The following CDK5RAP2 variants were observed in gnomAD, a reference collection of about 807,000 sequenced individuals.
CDK5RAP2 encodes the protein CDK5 regulatory subunit-associated protein 2.
CDK5RAP2 carries 147 observed loss-of-function variants against 232.9 expected under a neutral mutation model. The observed-to-expected ratio is 0.63, with a 90% CI of 0.55 to 0.72. The LOEUF (loss-of-function observed/expected upper bound fraction) is 0.72, where lower values mean the gene tolerates loss of function less well. Ranked by LOEUF, CDK5RAP2 falls within the 30% of genes least tolerant of loss-of-function variation. The pLI is 0.00. For missense variants in CDK5RAP2, 2,195 were observed against 2,231.5 expected, an observed-to-expected ratio of 0.98 and a Z score of 0.33; for synonymous variants, 833 against 833.7, an observed-to-expected ratio of 1.00 and a Z score of 0.01.
In CDK5RAP2 at chr9:120,518,488, C is replaced by T. The variant is rs377289635; in HGVS notation, c.1250G>A (p.Arg417Lys). Reference protein sequence around the residue: ...ELSDLQQERERLEKDLEEAHR... With the variant: ...ELSDLQQEREKLEKDLEEAHR... ...GGCTTCCTCCAGGTCCTTCTCCAGT[C>T]TCTCCCTCTCCTGCTGCAAGTCACT... The change falls in exon 12 of 38, where the codon AGA becomes AAA. Residue 417 changes from arginine (R) to lysine (K), a missense_variant. Transcript: ENST00000349780. 1 of 1,613,768 alleles carries T rather than the reference C, an allele frequency of 6.2e-7. No homozygotes were observed. The highest frequency in any genetic ancestry group is 8.5e-7 in the Non-Finnish European group (1 of 1,179,962).
chr9:120,520,169 A>T (rs4837776), intron 11 of CDK5RAP2, among the ~76,000 whole-genome samples: 148,265 of 152,342 alleles, frequency 0.97, 72,253 homozygotes, highest in East Asian at 1. Context: ...TTCTACTAAA[A>T]ATAGCATATA....
At chr9:120,393,887 C>A (rs1034274368) in intron 36 of CDK5RAP2, among the ~76,000 whole-genome samples, 3 of 152,196 alleles carry the variant, frequency 2.0e-5, no homozygotes, top group East Asian at 1.9e-4. Context: ...CAGCCTCCCC[C>A]TCACTGGTGG....
At chr9:120,475,103 A>G (rs1309983348) in intron 15 of CDK5RAP2, among the ~76,000 whole-genome samples, 4 of 152,226 alleles carry the variant, frequency 2.6e-5, no homozygotes, top group Non-Finnish European at 2.9e-5. Flanking sequence ...GTTTCAACAC[A>G]ACCCTGTAAA....
At chr9:120,521,958 T>C (rs941115544) in intron 11 of CDK5RAP2, among the ~76,000 whole-genome samples, 9 of 152,178 alleles carry the variant, frequency 5.9e-5, no homozygotes, top group African/African-American at 2.2e-4. Flanking sequence ...ACCTTTTTCT[T>C]TGTAAATTCC....
At chr9:120,454,211 T>C (rs777478267) in intron 20 of CDK5RAP2, among the ~76,000 whole-genome samples, 4 of 152,162 alleles carry the variant, frequency 2.6e-5, no homozygotes, top group Admixed American at 6.5e-5. Context: ...ACCATGACAA[T>C]TACAGGGTCC....
intron 21 of CDK5RAP2, among the ~76,000 whole-genome samples, chr9:120,450,065 GA>G (rs2131385135): frequency 6.6e-6 from 1 of 152,224 alleles, no homozygotes; most frequent in East Asian, 1.9e-4. Context: ...ATTTGTACAT[GA>G]ATAGCAACAT....
chr9:120,455,550 G>A (rs2036721869), intron 20 of CDK5RAP2, among the ~76,000 whole-genome samples: 1 of 151,912 alleles, frequency 6.6e-6, no homozygotes, highest in African/African-American at 2.4e-5. Flanking sequence ...AGACCAGACT[G>A]GGCAACATGG....
intron 18 of CDK5RAP2, among the ~76,000 whole-genome samples, chr9:120,467,085 G>A (rs1175503329): frequency 6.6e-6 from 1 of 152,098 alleles, no homozygotes; most frequent in African/African-American, 2.4e-5. Context: ...ACAACTTCAG[G>A]GTCCTCCCAT....
At chr9:120,433,334 C>A (rs2131450362) in intron 25 of CDK5RAP2, among the ~76,000 whole-genome samples, 1 of 152,316 alleles carries the variant, frequency 6.6e-6, no homozygotes, top group South Asian at 2.1e-4. Context: ...TAAGCCCCAA[C>A]TCACAGCAAG....
intron 27 of CDK5RAP2, among the ~76,000 whole-genome samples, chr9:120,417,787 A>G (rs1476757781): frequency 1.3e-5 from 2 of 152,102 alleles, no homozygotes; most frequent in Non-Finnish European, 2.9e-5. Flanking sequence ...CCAATAAGCA[A>G]CCACAAAAAA....
intron 3 of CDK5RAP2, among the ~76,000 whole-genome samples, chr9:120,555,820 G>A (rs2042207866): frequency 1.3e-5 from 2 of 152,158 alleles, no homozygotes; most frequent in East Asian, 1.9e-4. Flanking sequence ...TCCCTCAGAG[G>A]GTGAATGGAT....
intron 12 of CDK5RAP2, among the ~76,000 whole-genome samples, chr9:120,494,411 G>C (rs2039056600): frequency 6.6e-6 from 1 of 152,136 alleles, no homozygotes; most frequent in African/African-American, 2.4e-5. Flanking sequence ...AATGAGCCTA[G>C]GAGATCTTGT....
At chr9:120,563,303 G>C (rs1417580191) in intron 3 of CDK5RAP2, among the ~76,000 whole-genome samples, 1 of 152,156 alleles carries the variant, frequency 6.6e-6, no homozygotes. Flanking sequence ...GTGTACGACG[G>C]GGAGAGGAAT....
chr9:120,565,368 C>T (rs1482727818), intron 3 of CDK5RAP2, among the ~76,000 whole-genome samples: 1 of 152,200 alleles, frequency 6.6e-6, no homozygotes, highest in African/African-American at 2.4e-5. Flanking sequence ...ACCTTACCAC[C>T]AGCCTTGCTC....
intron 10 of CDK5RAP2, among the ~76,000 whole-genome samples, chr9:120,527,237 G>A (rs1045134264): frequency 6.6e-6 from 1 of 152,166 alleles, no homozygotes; most frequent in Admixed American, 6.5e-5. Context: ...GATTACAAAC[G>A]CAACACTCAG....
chr9:120,421,451 CTCCTCCTGTGAGCTGTG>C (rs2034562665), intron 26 of CDK5RAP2, among the ~76,000 whole-genome samples: 2 of 152,316 alleles, frequency 1.3e-5, no homozygotes, highest in South Asian at 4.1e-4. Context: ...CTGATTAAAA[CTCCTCCTGTGAGCTGTG>C]ATACCTCTCT....
At chr9:120,472,230 A>G (rs1486279552) in intron 15 of CDK5RAP2, among the ~76,000 whole-genome samples, 1 of 152,206 alleles carries the variant, frequency 6.6e-6, no homozygotes, top group Non-Finnish European at 1.5e-5. Context: ...TAATGACTAT[A>G]TAATATTAAA....
At chr9:120,395,456 G>C (rs1392572166) in intron 35 of CDK5RAP2, among the ~76,000 whole-genome samples, 1 of 152,246 alleles carries the variant, frequency 6.6e-6, no homozygotes, top group Admixed American at 6.5e-5. Context: ...ACTCTGGATG[G>C]GTGGCAAAAC....
Position 120,455,367 on chromosome 9 carries a change from C to T in CDK5RAP2, c.2376-1494G>A, listed in dbSNP as rs140230204. On this transcript the variant is annotated intron_variant, in intron 20 of 37. Coordinates refer to ENST00000349780, the MANE Select transcript of CDK5RAP2 (RefSeq NM_018249.6). The stretch of plus-strand genomic sequence containing the variant: ...AAGAAACGAAGAGTCCTGTACAACA[C>T]GTTAAAAAAAAAAAAAAAAAAAACG... 8.5e-5 allele frequency among the ~76,000 whole-genome samples: 11 copies of T among 129,900 alleles called. 1 individual carries two copies. The highest frequency in any genetic ancestry group is 2.4e-4 in the African/African-American group (8 of 33,244). The allele number at this position is 129,900 out of a possible 152,430, so 85.2% of individuals were successfully genotyped here.
Sources: gnomAD v4.1 joint callset for allele counts (sites outside exome capture counted in the v4.1 genomes callset) on GRCh38, gnomAD v4.1.1 for gene constraint, MANE v1.5 for transcripts, NCBI Gene and HGNC (gene_info 2026-07-23, HGNC 2026-07-21) for gene names.